Variants in WASF2 observed in about 807,000 individuals in gnomAD.
WASF2 encodes WASP family member 2.
Under a neutral mutation model 45.0 loss-of-function variants are expected in WASF2, and 14 were observed. That is an observed-to-expected ratio of 0.31 (90% confidence interval 0.21 to 0.49). The LOEUF is 0.49. Among genes scored for constraint, WASF2 ranks in the 20% least tolerant of loss-of-function variants. WASF2 has a pLI of 0.99. For missense variants in WASF2, 439 were observed against 636.1 expected, an observed-to-expected ratio of 0.69 and a Z score of 3.33; for synonymous variants, 200 against 236.3, an observed-to-expected ratio of 0.85 and a Z score of 1.41.
intron 1 of WASF2, among the ~76,000 whole-genome samples, chr1:27,441,809 C>G (rs1001310605): frequency 1.3e-5 from 2 of 150,486 alleles, no homozygotes; most frequent in African/African-American, 4.9e-5. Flanking sequence ...GCCTGTAGTC[C>G]CAGCTACTCG....
chr1:27,457,713 T>C (rs1483928861), intron 1 of WASF2, among the ~76,000 whole-genome samples: 1 of 151,852 alleles, frequency 6.6e-6, no homozygotes, highest in Non-Finnish European at 1.5e-5. Flanking sequence ...CTCAAACTCC[T>C]GGGCTCAAGT....
chr1:27,478,381 C>T (rs2017800385), intron 1 of WASF2, among the ~76,000 whole-genome samples: 1 of 150,312 alleles, frequency 6.7e-6, no homozygotes, highest in Non-Finnish European at 1.5e-5. Context: ...TTCGTATACA[C>T]ATTAACATGG....
At chr1:27,464,231 A>T (rs1052783199) in intron 1 of WASF2, among the ~76,000 whole-genome samples, 2 of 151,838 alleles carry the variant, frequency 1.3e-5, no homozygotes, top group African/African-American at 4.8e-5. Context: ...AATAAAAAAA[A>T]TTAGCTGGGC....
chr1:27,468,742 G>A (rs2017649429), intron 1 of WASF2, among the ~76,000 whole-genome samples: 1 of 151,622 alleles, frequency 6.6e-6, no homozygotes, highest in African/African-American at 2.4e-5. Flanking sequence ...CACTTTGGGA[G>A]GCCAAGGAGG....
chr1:27,464,643 T>C (rs2017590678), intron 1 of WASF2, among the ~76,000 whole-genome samples: 1 of 152,168 alleles, frequency 6.6e-6, no homozygotes, highest in South Asian at 2.1e-4. Flanking sequence ...ATTATCTGAG[T>C]GAGGTCCTGA....
chr1:27,464,054 A>T (rs1359922583), intron 1 of WASF2, among the ~76,000 whole-genome samples: 2 of 151,890 alleles, frequency 1.3e-5, no homozygotes, highest in Non-Finnish European at 2.9e-5. Flanking sequence ...TTATTCTAAT[A>T]ATAATTTTGG....
At chr1:27,480,083 A>G (rs2017824771) in intron 1 of WASF2, among the ~76,000 whole-genome samples, 1 of 152,226 alleles carries the variant, frequency 6.6e-6, no homozygotes, top group African/African-American at 2.4e-5. Context: ...TTTAAAGACT[A>G]TCAATATTCT....
Position 27,462,745 on chromosome 1 carries a change from T to C in WASF2, c.-44+27241A>G, listed in dbSNP as rs543193464. Among the ~76,000 whole-genome samples the C allele has an allele frequency of 2.0e-5, 3 of 152,336 alleles. No individual in the cohort carries two copies. The South Asian group carries it at 6.2e-4, about 32-fold the overall frequency. On this transcript the variant is annotated intron_variant, in intron 1 of 8. Coordinates refer to ENST00000618852, the MANE Select transcript of WASF2 (RefSeq NM_006990.5). ...TAATAATAGCACCTACTTCATAAGA[T>C]TATTGAGAAAAATGAAAGAGTAAAT... is the stretch of plus-strand genomic sequence containing the variant.
chr1:27,416,430 G>A (rs1019333349), intron 4 of WASF2, among the ~76,000 whole-genome samples: 6 of 152,078 alleles, frequency 3.9e-5, no homozygotes, highest in African/African-American at 1.4e-4. Context: ...GAGGATATTC[G>A]GATTTCCTGG....
At chr1:27,453,465 G>A (rs2017412679) in intron 1 of WASF2, among the ~76,000 whole-genome samples, 1 of 151,370 alleles carries the variant, frequency 6.6e-6, no homozygotes, top group Admixed American at 6.6e-5. Context: ...GGTGGTGGAC[G>A]CCTGTAATCC....
At chr1:27,452,403 C>T (rs2017395541) in intron 1 of WASF2, among the ~76,000 whole-genome samples, 1 of 152,062 alleles carries the variant, frequency 6.6e-6, no homozygotes, top group South Asian at 2.1e-4. Flanking sequence ...GTCCCAACTA[C>T]TTGGGAAACT....
intron 1 of WASF2, among the ~76,000 whole-genome samples, chr1:27,434,606 G>T (rs1358758055): frequency 1.3e-5 from 2 of 152,234 alleles, no homozygotes; most frequent in East Asian, 3.9e-4. Context: ...TCCAGACAGA[G>T]CCCTGAGGTT....
At chr1:27,466,555 ACT>A (rs1229636756) in intron 1 of WASF2, among the ~76,000 whole-genome samples, 2 of 152,242 alleles carry the variant, frequency 1.3e-5, no homozygotes, top group South Asian at 2.1e-4. Flanking sequence ...CAAAGCACCA[ACT>A]TTCAAAGATT....
At position 27,410,492 on chromosome 1, in the gene WASF2, C is replaced by T. The variant is rs1293434477; in HGVS notation, c.825-286G>A. On this transcript the variant is annotated intron_variant, in intron 7 of 8. Coordinates refer to ENST00000618852, the MANE Select transcript of WASF2 (RefSeq NM_006990.5). This position sits in a 1 kb window ranked among gnomAD's most constrained non-coding sequence, Gnocchi z 4.2. ...TCTATCAGGTACAGGCTAGCTGAGA[C>T]ATCTCTTCGGCCCCCTCTGCCTTTC... 6.6e-6 allele frequency among the ~76,000 whole-genome samples: 1 copy of T among 152,208 alleles called. No individual in the cohort carries two copies. The highest frequency in any genetic ancestry group is 2.4e-5 in the African/African-American group (1 of 41,444).
In WASF2 at chr1:27,405,899, C is replaced by T. The variant is rs2016666993; in HGVS notation, c.*2290G>A. 6.6e-6 allele frequency: 1 copy of T among 152,322 alleles called. No individual in the cohort carries two copies. The highest frequency in any genetic ancestry group is 6.6e-5 in the Admixed American group (1 of 15,256). 9.4% of individuals were successfully genotyped at this position (152,322 alleles called of 1,614,324 possible). A position where few individuals can be genotyped will look rare whatever the true frequency, so the allele number is the denominator to read the frequency against. ...TAATCCTACCTTCCGCAGGCAGTGCCCCTCCCCACCTCCTCCTGCCCCCAG... is the reference window on the plus strand; with the variant it reads ...TAATCCTACCTTCCGCAGGCAGTGCTCCTCCCCACCTCCTCCTGCCCCCAG... On this transcript the variant is annotated 3_prime_UTR_variant, in exon 9 of 9. Coordinates refer to ENST00000618852, the MANE Select transcript of WASF2 (RefSeq NM_006990.5).
chr1:27,473,455 CAAA>C (rs752426888), intron 1 of WASF2, among the ~76,000 whole-genome samples: 2 of 49,740 alleles, frequency 4.0e-5, no homozygotes. Context: ...ACTCCATGGC[CAAA>C]AAAAAAAAAA....
At chr1:27,461,992 T>A (rs2017552387) in intron 1 of WASF2, among the ~76,000 whole-genome samples, 1 of 150,306 alleles carries the variant, frequency 6.7e-6, no homozygotes, top group African/African-American at 2.5e-5. Context: ...TTTTTTTTTT[T>A]TTTGAGATGG....
At chr1:27,464,875 C>T (rs1230221299) in intron 1 of WASF2, among the ~76,000 whole-genome samples, 5 of 152,134 alleles carry the variant, frequency 3.3e-5, no homozygotes, top group Admixed American at 6.6e-5. Flanking sequence ...ATTACAGGCG[C>T]GTGCCACCAC....
In WASF2 at chr1:27,410,848, C is replaced by T. The variant is rs555633316; in HGVS notation, c.825-642G>A. On this transcript the variant is annotated intron_variant, in intron 7 of 8. Coordinates refer to ENST00000618852, the MANE Select transcript of WASF2 (RefSeq NM_006990.5). The surrounding 1 kb of genome is among the most constrained non-coding windows in gnomAD (Gnocchi z 4.2). Reference sequence around the variant, plus strand: ...GATGGGAAATGAATGTGCCACCAGACTCCTGACCCAGGCCTGAAAGAGGAT... The same window carrying T: ...GATGGGAAATGAATGTGCCACCAGATTCCTGACCCAGGCCTGAAAGAGGAT... Among the ~76,000 whole-genome samples, 179 of 152,326 alleles carry T rather than the reference C, an allele frequency of 1.2e-3. No individual in the cohort carries two copies. Among genetic ancestry groups the T allele is most frequent in the Admixed American group, 3.0e-3 (46 of 15,302 alleles).
Sources: allele counts gnomAD v4.1 joint callset (sites outside exome capture counted in the v4.1 genomes callset), GRCh38; gene constraint gnomAD v4.1.1; non-coding constraint Gnocchi (gnomAD v3.1); transcripts MANE v1.5; gene names NCBI Gene and HGNC (gene_info 2026-07-23, HGNC 2026-07-21).